Variants in COL8A1 observed in about 807,000 individuals in gnomAD.
COL8A1 encodes the protein collagen type VIII alpha 1 chain.
COL8A1 carries 21 observed loss-of-function variants against 42.7 expected under a neutral mutation model. The ratio of observed to expected loss-of-function variants is 0.49; its 90% CI spans 0.35 to 0.71. The LOEUF is 0.71. Among genes scored for constraint, COL8A1 ranks in the 30% least tolerant of loss-of-function variants. The pLI, the probability that COL8A1 is intolerant of heterozygous loss-of-function variation, is 0.01. For synonymous variants in COL8A1, 367 were observed against 369.1 expected, an observed-to-expected ratio of 0.99 and a Z score of 0.06; for missense variants, 788 against 962.4, an observed-to-expected ratio of 0.82 and a Z score of 2.40.
chr3:99,642,563 T>A (rs781327658), intron 1 of COL8A1, among the ~76,000 whole-genome samples: 1 of 152,164 alleles, frequency 6.6e-6, no homozygotes, highest in Non-Finnish European at 1.5e-5. Flanking sequence ...TCACCTTCGG[T>A]GTCCTCTATT....
chr3:99,645,302 A>G (rs147139815), intron 1 of COL8A1, among the ~76,000 whole-genome samples: 2 of 152,314 alleles, frequency 1.3e-5, no homozygotes, highest in East Asian at 1.9e-4. Context: ...AATGGCAGAC[A>G]TAAGATTAAA....
At chr3:99,671,337 G>A (rs1581123) in intron 1 of COL8A1, among the ~76,000 whole-genome samples, 91,710 of 151,744 alleles carry the variant, frequency 0.6, 27,960 homozygotes, top group East Asian at 0.77. Context: ...TGCTCTTGAT[G>A]TGTACATCAG....
intron 2 of COL8A1, among the ~76,000 whole-genome samples, chr3:99,747,286 T>A (rs750976263): frequency 1.3e-5 from 2 of 152,198 alleles, no homozygotes; most frequent in Non-Finnish European, 2.9e-5. Flanking sequence ...GCAACAATCA[T>A]CATAAAAACA....
At chr3:99,751,891 C>T (rs1394269544) in intron 2 of COL8A1, among the ~76,000 whole-genome samples, 1 of 152,140 alleles carries the variant, frequency 6.6e-6, no homozygotes, top group Admixed American at 6.6e-5. Context: ...CGTTCTTAGC[C>T]ACTTTTAAGA....
intron 1 of COL8A1, among the ~76,000 whole-genome samples, chr3:99,666,309 A>G (rs1023711263): frequency 6.6e-6 from 1 of 152,256 alleles, no homozygotes; most frequent in Non-Finnish European, 1.5e-5. Context: ...ACAGTCTTTC[A>G]TCTCTGCTTG....
intron 1 of COL8A1, among the ~76,000 whole-genome samples, chr3:99,700,110 T>C (rs1188301013): frequency 6.6e-6 from 1 of 152,068 alleles, no homozygotes; most frequent in East Asian, 1.9e-4. Flanking sequence ...CCAAGTAATA[T>C]AGAAACTGCT....
intron 1 of COL8A1, among the ~76,000 whole-genome samples, chr3:99,704,334 G>A (rs969397069): frequency 6.6e-6 from 1 of 151,612 alleles, no homozygotes; most frequent in Non-Finnish European, 1.5e-5. Context: ...AAGCAAAAGC[G>A]GTACTACACG....
At chr3:99,776,562 AT>A (rs901978736) in intron 2 of COL8A1, among the ~76,000 whole-genome samples, 2 of 152,208 alleles carry the variant, frequency 1.3e-5, no homozygotes, top group Non-Finnish European at 2.9e-5. Flanking sequence ...AGCAAAAAAA[AT>A]TAGGAATAAA....
intron 1 of COL8A1, among the ~76,000 whole-genome samples, chr3:99,667,301 G>A (rs527909133): frequency 3.9e-5 from 6 of 152,158 alleles, no homozygotes; most frequent in South Asian, 4.1e-4. Flanking sequence ...GGTTCCATAC[G>A]TAATAAAAAA....
intron 2 of COL8A1, among the ~76,000 whole-genome samples, chr3:99,745,879 T>TGTC: frequency 6.6e-6 from 1 of 152,096 alleles, no homozygotes; most frequent in South Asian, 2.1e-4. Flanking sequence ...CAAGTAGACA[T>TGTC]TATCTCATAG....
chr3:99,712,773 C>T (rs1473965164), intron 1 of COL8A1, among the ~76,000 whole-genome samples: 3 of 152,072 alleles, frequency 2.0e-5, no homozygotes, highest in Admixed American at 2.0e-4. Context: ...CCCTGGCTTG[C>T]CCAGGTCTCT....
intron 1 of COL8A1, among the ~76,000 whole-genome samples, chr3:99,727,671 T>C (rs183675552): frequency 6.6e-6 from 1 of 151,948 alleles, no homozygotes; most frequent in Non-Finnish European, 1.5e-5. Flanking sequence ...TACCAAAGCC[T>C]GGCAGAGACA....
chr3:99,707,979 G>A (rs1436808443), intron 1 of COL8A1, among the ~76,000 whole-genome samples: 1 of 152,036 alleles, frequency 6.6e-6, no homozygotes, highest in East Asian at 1.9e-4. Flanking sequence ...GCCACTAAGT[G>A]GGACAGTTAG....
At chr3:99,698,104 A>G (rs1376779802) in intron 1 of COL8A1, among the ~76,000 whole-genome samples, 1 of 152,162 alleles carries the variant, frequency 6.6e-6, no homozygotes, top group Non-Finnish European at 1.5e-5. Context: ...GCTGAGAATG[A>G]TGGTTTCCAG....
chr3:99,776,935 T>C (rs1340247947), intron 2 of COL8A1, among the ~76,000 whole-genome samples: 1 of 152,216 alleles, frequency 6.6e-6, no homozygotes, highest in Non-Finnish European at 1.5e-5. Flanking sequence ...TTTATCATGC[T>C]AATGCATTAT....
chr3:99,730,071 G>T (rs1940456122), intron 1 of COL8A1, among the ~76,000 whole-genome samples: 1 of 152,210 alleles, frequency 6.6e-6, no homozygotes, highest in African/African-American at 2.4e-5. Flanking sequence ...AATGGGATAA[G>T]AATAGGCAGT....
At position 99,794,576 on chromosome 3, in the gene COL8A1, A is replaced by G. The variant is rs1341236112; in HGVS notation, c.675A>G (p.Arg225=). 5 of 1,613,594 alleles carry G rather than the reference A, an allele frequency of 3.1e-6. No individual in the cohort carries two copies. In the South Asian group the frequency reaches 4.4e-5, roughly 14 times the overall value. The part of the protein sequence containing the change: ...LPGQPGPKGD[R]GPKGLPGPQG... ...GGCAACCAGGACCAAAGGGTGATCG[A>G]GGACCCAAAGGACTACCAGGACCTC... The change falls in exon 4 of 4, where the codon CGA becomes CGG. Residue 225 remains arginine, a synonymous_variant. Transcript: ENST00000652472. The surrounding 1 kb of genome is among the most constrained non-coding windows in gnomAD (Gnocchi z 4.3).
chr3:99,743,101 CA>C (rs1378008278), intron 1 of COL8A1, among the ~76,000 whole-genome samples: 1 of 152,060 alleles, frequency 6.6e-6, no homozygotes. Context: ...TCCTGATATC[CA>C]GTCTGAATCT....
intron 1 of COL8A1, among the ~76,000 whole-genome samples, chr3:99,669,152 GA>G (rs1559773201): frequency 1.6e-4 from 7 of 42,486 alleles, no homozygotes; most frequent in Non-Finnish European, 2.5e-4. Context: ...TATATAGAGG[GA>G]GAGAGAGAGA....
Sources: allele counts gnomAD v4.1 joint callset (sites outside exome capture counted in the v4.1 genomes callset), GRCh38; gene constraint gnomAD v4.1.1; non-coding constraint Gnocchi (gnomAD v3.1); transcripts MANE v1.5; gene names NCBI Gene and HGNC (gene_info 2026-07-23, HGNC 2026-07-21).